Variants in RASSF6 observed in about 807,000 individuals in gnomAD.
The protein encoded by RASSF6 is ras association domain-containing protein 6.
In RASSF6, 52 loss-of-function variants were observed where a neutral mutation model predicts 44.0. That is an observed-to-expected ratio of 1.18 (90% CI 0.95 to 1.49). The LOEUF (loss-of-function observed/expected upper bound fraction) is 1.49, where lower values mean the gene tolerates loss of function less well. RASSF6 is among the 40% of genes most tolerant of loss of function. The probability of loss-of-function intolerance (pLI) is 0.00; values close to 1 mark genes in which losing one functional copy is unlikely to be tolerated. For missense variants in RASSF6, 464 were observed against 393.3 expected, an observed-to-expected ratio of 1.18 and a Z score of -1.52; for synonymous variants, 162 against 124.6, an observed-to-expected ratio of 1.30 and a Z score of -2.00.
At chr4:73,589,320 C>T (rs1164127539) in intron 4 of RASSF6, among the ~76,000 whole-genome samples, 4 of 152,146 alleles carry the variant, frequency 2.6e-5, no homozygotes, top group Admixed American at 2.6e-4. Context: ...TAAAATTACC[C>T]ATTTCCCCAA....
intron 8 of RASSF6, among the ~76,000 whole-genome samples, chr4:73,581,240 C>T (rs1723625896): frequency 1.3e-5 from 2 of 152,082 alleles, no homozygotes; most frequent in African/African-American, 4.8e-5. Context: ...TAAAAACTTT[C>T]ATTTCAGTAT....
intron 2 of RASSF6, among the ~76,000 whole-genome samples, chr4:73,609,147 C>T (rs941664683): frequency 3.3e-5 from 5 of 152,166 alleles, no homozygotes; most frequent in Admixed American, 6.5e-5. Flanking sequence ...CTGATAGGTT[C>T]TGAGAGTGAA....
At chr4:73,579,081 AC>A (rs1723440880) in intron 8 of RASSF6, among the ~76,000 whole-genome samples, 1 of 152,162 alleles carries the variant, frequency 6.6e-6, no homozygotes, top group South Asian at 2.1e-4. Context: ...TTTTATATAT[AC>A]CTTTAGGCAT....
At chr4:73,601,960 G>A (rs1056355080) in intron 2 of RASSF6, among the ~76,000 whole-genome samples, 1 of 152,206 alleles carries the variant, frequency 6.6e-6, no homozygotes, top group Non-Finnish European at 1.5e-5. Context: ...GGGAGGGTGG[G>A]TGAGAGCTTT....
chr4:73,596,991 G>A (rs780145632), intron 3 of RASSF6, among the ~76,000 whole-genome samples: 25 of 151,934 alleles, frequency 1.6e-4, no homozygotes, highest in Non-Finnish European at 3.4e-4. Flanking sequence ...ACTAATGATC[G>A]AAATGTAAAA....
chr4:73,610,736 G>A (rs559830445), intron 2 of RASSF6, among the ~76,000 whole-genome samples: 5 of 152,226 alleles, frequency 3.3e-5, no homozygotes, highest in East Asian at 1.9e-4. Flanking sequence ...AACCCTTTCC[G>A]CTCTCTATCT....
chr4:73,582,076 A>G (rs931469757), intron 7 of RASSF6, 113 bp downstream of exon 7: 17 of 666,952 alleles, frequency 2.5e-5, no homozygotes, highest in African/African-American at 7.3e-5. Context: ...TCAGTGCTCA[A>G]CATCCAATTT....
intron 4 of RASSF6, among the ~76,000 whole-genome samples, chr4:73,592,962 A>C (rs753275334): frequency 1.3e-5 from 2 of 151,962 alleles, no homozygotes; most frequent in Non-Finnish European, 2.9e-5. Flanking sequence ...TCTTGCACAA[A>C]TTAGTTAATC....
intron 8 of RASSF6, 86 bp downstream of exon 8, chr4:73,581,731 G>A (rs1483369647): frequency 1.2e-6 from 1 of 830,956 alleles, no homozygotes. Context: ...TCCACAGAAT[G>A]AGGCAAACTG....
intron 1 of RASSF6, among the ~76,000 whole-genome samples, chr4:73,617,197 T>C (rs746354147): frequency 1.3e-5 from 2 of 152,214 alleles, no homozygotes; most frequent in Non-Finnish European, 1.5e-5. Flanking sequence ...AAGCAGAATA[T>C]GAATCAAACA....
intron 4 of RASSF6, among the ~76,000 whole-genome samples, chr4:73,590,912 C>A (rs1420434870): frequency 6.6e-6 from 1 of 152,110 alleles, no homozygotes; most frequent in African/African-American, 2.4e-5. Flanking sequence ...ATAAACAATG[C>A]AAAATGTAAA....
intron 2 of RASSF6, among the ~76,000 whole-genome samples, chr4:73,606,390 A>T (rs1190999476): frequency 6.6e-6 from 1 of 152,232 alleles, no homozygotes; most frequent in Non-Finnish European, 1.5e-5. Context: ...CAAAGATGGG[A>T]ACAATGAGCA....
intron 1 of RASSF6, among the ~76,000 whole-genome samples, chr4:73,619,051 G>A (rs1388032582): frequency 6.6e-6 from 1 of 152,110 alleles, no homozygotes; most frequent in Non-Finnish European, 1.5e-5. Flanking sequence ...ATTAAAAACA[G>A]CACTTCAATA....
At chr4:73,579,058 A>T (rs1346718944) in intron 8 of RASSF6, among the ~76,000 whole-genome samples, 2 of 152,138 alleles carry the variant, frequency 1.3e-5, no homozygotes, top group Non-Finnish European at 2.9e-5. Context: ...GTAACTGTTT[A>T]AAAAATGGGA....
Position 73,576,161 on chromosome 4 carries a change from C to A in RASSF6, c.*74G>T. 1.3e-6 allele frequency: 1 copy of A among 774,322 alleles called. No individual in the cohort carries two copies. The highest frequency in any genetic ancestry group is 1.8e-5 in the South Asian group (1 of 54,608). 48.0% of individuals were successfully genotyped at this position (774,322 alleles called of 1,614,324 possible). ...ATATATGTTCGTATAAATGCAAGTA[C>A]AGAACTTATGCATTCATCAAAGAGT... On this transcript the variant is annotated 3_prime_UTR_variant, in exon 11 of 11. Transcript: ENST00000307439.
chr4:73,591,041 T>C (rs1560447969), intron 4 of RASSF6, among the ~76,000 whole-genome samples: 1 of 152,194 alleles, frequency 6.6e-6, no homozygotes, highest in Non-Finnish European at 1.5e-5. Flanking sequence ...TCAGAATTGC[T>C]AGGAACAAGT....
chr4:73,580,992 T>C (rs545549849), intron 8 of RASSF6, among the ~76,000 whole-genome samples: 71 of 151,626 alleles, frequency 4.7e-4, no homozygotes, highest in African/African-American at 1.6e-3. Flanking sequence ...TCTTCTAGGG[T>C]TTTTATGGTT....
At chr4:73,585,097 A>G (rs1723970461) in intron 6 of RASSF6, 83 bp downstream of exon 6, 1 of 942,868 alleles carries the variant, frequency 1.1e-6, no homozygotes, top group African/African-American at 1.7e-5. Context: ...ATGACTTTAA[A>G]TTGTGAATTG....
upstream of RASSF6, chr4:73,620,511 G>T: frequency 6.5e-7 from 1 of 1,527,560 alleles, no homozygotes; most frequent in Non-Finnish European, 8.8e-7. Flanking sequence ...GGCTCAGCTG[G>T]GCGCTTGCAG....
Sources: gnomAD v4.1 joint callset for allele counts (sites outside exome capture counted in the v4.1 genomes callset) on GRCh38, gnomAD v4.1.1 for gene constraint, MANE v1.5 for transcripts, NCBI Gene and HGNC (gene_info 2026-07-23, HGNC 2026-07-21) for gene names.